The following PACRG variants were observed in gnomAD, a reference collection of about 807,000 sequenced individuals.
PACRG encodes parkin coregulated gene protein.
In PACRG, 29 loss-of-function variants were observed where a neutral mutation model predicts 29.7. The observed-to-expected ratio is 0.98, with a 90% confidence interval of 0.73 to 1.33. PACRG has a LOEUF of 1.33. Ranked by LOEUF, PACRG falls within the 40% of genes most tolerant of loss-of-function variation. The pLI, the probability that PACRG is intolerant of heterozygous loss-of-function variation, is 0.00. For missense variants in PACRG, 279 were observed against 316.2 expected (o/e 0.88, Z 0.89); for synonymous variants, 116 against 118.7 (o/e 0.98, Z 0.15).
intron 2 of PACRG, among the ~76,000 whole-genome samples, chr6:162,842,049 G>C (rs1283154387): frequency 6.7e-6 from 1 of 150,294 alleles, no homozygotes; most frequent in East Asian, 2.0e-4. Context: ...GTGTGGTGTG[G>C]TGCTGAAAAA....
chr6:162,990,190 A>G (rs898978648), intron 2 of PACRG, among the ~76,000 whole-genome samples: 3 of 151,526 alleles, frequency 2.0e-5, no homozygotes, highest in African/African-American at 7.3e-5. Flanking sequence ...ATAATGCTGC[A>G]ATAAACATAC....
At chr6:163,102,301 CAG>C (rs1562916731) in intron 4 of PACRG, among the ~76,000 whole-genome samples, 1 of 152,236 alleles carries the variant, frequency 6.6e-6, no homozygotes, top group Non-Finnish European at 1.5e-5. Context: ...GCACTGATGG[CAG>C]ACTTATTGAG....
At chr6:163,074,164 G>C (rs1224241606) in intron 3 of PACRG, among the ~76,000 whole-genome samples, 1 of 152,144 alleles carries the variant, frequency 6.6e-6, no homozygotes, top group African/African-American at 2.4e-5. Flanking sequence ...AGATTTGGAA[G>C]CAACCTAAGT....
At chr6:162,814,384 C>A in intron 2 of PACRG, 103 bp downstream of exon 2, 1 of 1,433,550 alleles carries the variant, frequency 7.0e-7, no homozygotes, top group South Asian at 1.4e-5. Flanking sequence ...GGAGTCATTT[C>A]TCAGCACATG....
At chr6:163,175,636 C>T (rs1304279903) in intron 4 of PACRG, among the ~76,000 whole-genome samples, 5 of 151,982 alleles carry the variant, frequency 3.3e-5, no homozygotes, top group South Asian at 2.1e-4. Flanking sequence ...GACGGAATGT[C>T]GGGAGCAGGT....
intron 2 of PACRG, among the ~76,000 whole-genome samples, chr6:163,022,358 C>T (rs1806714539): frequency 6.6e-6 from 1 of 152,216 alleles, no homozygotes; most frequent in African/African-American, 2.4e-5. Context: ...TGGCTGAGCT[C>T]TTTGCTACCT....
At chr6:163,157,920 T>C (rs1015751325) in intron 4 of PACRG, among the ~76,000 whole-genome samples, 2 of 152,350 alleles carry the variant, frequency 1.3e-5, no homozygotes, top group East Asian at 1.9e-4. Flanking sequence ...TAATGAACAT[T>C]ACCAAGCTGA....
chr6:162,996,130 G>T (rs76408816), intron 2 of PACRG, among the ~76,000 whole-genome samples: 4 of 151,900 alleles, frequency 2.6e-5, no homozygotes, highest in African/African-American at 7.3e-5. Context: ...CTCACCACTC[G>T]TGTGTGTGCA....
intron 2 of PACRG, among the ~76,000 whole-genome samples, chr6:163,050,984 C>T (rs1809946536): frequency 6.6e-6 from 1 of 152,132 alleles, no homozygotes; most frequent in South Asian, 2.1e-4. Flanking sequence ...GTGAGTGACT[C>T]GAGGGAGCAT....
chr6:163,180,416 C>G (rs1301069643), intron 4 of PACRG, among the ~76,000 whole-genome samples: 1 of 152,110 alleles, frequency 6.6e-6, no homozygotes, highest in Admixed American at 6.5e-5. Flanking sequence ...TAGGTTGTTA[C>G]ATAGATTATC....
chr6:162,866,842 T>C (rs1792340758), intron 2 of PACRG, among the ~76,000 whole-genome samples: 1 of 152,182 alleles, frequency 6.6e-6, no homozygotes. Context: ...GAGATACTCA[T>C]GACAGGAAAC....
At position 162,773,563 on chromosome 6, in the gene PACRG, G is replaced by A. The variant is rs796459643; in HGVS notation, c.157-40584G>A. ...CGCTCTGTCGCCCAGGCCGGACTGCGGACTGCAGTGGCGCAATCTCGGCTC... is the reference window on the plus strand; with the variant it reads ...CGCTCTGTCGCCCAGGCCGGACTGCAGACTGCAGTGGCGCAATCTCGGCTC... On this transcript the variant is annotated intron_variant, in intron 1 of 4. Coordinates refer to ENST00000366888, the MANE Select transcript of PACRG (RefSeq NM_001080379.2). Among the ~76,000 whole-genome samples, 14 of 132,152 alleles carry A rather than the reference G, an allele frequency of 1.1e-4. No individual in the cohort carries two copies. The South Asian group carries it at 1.4e-3, about 13-fold the overall frequency. 86.7% of individuals were successfully genotyped at this position (132,152 alleles called of 152,430 possible). A position where few individuals can be genotyped will look rare whatever the true frequency, so the allele number is the denominator to read the frequency against.
chr6:163,056,441 C>T (rs1168318528), intron 2 of PACRG, among the ~76,000 whole-genome samples: 2 of 152,126 alleles, frequency 1.3e-5, no homozygotes, highest in Non-Finnish European at 2.9e-5. Context: ...TGTCAACCTA[C>T]CCCTAAGTTG....
At chr6:162,950,052 T>A (rs999727004) in intron 2 of PACRG, among the ~76,000 whole-genome samples, 1 of 152,216 alleles carries the variant, frequency 6.6e-6, no homozygotes, top group Non-Finnish European at 1.5e-5. Flanking sequence ...TGTTTTTAAA[T>A]AATTTTTAGT....
chr6:163,297,711 C>G (rs537610161), intron 4 of PACRG, among the ~76,000 whole-genome samples: 2 of 152,112 alleles, frequency 1.3e-5, no homozygotes, highest in African/African-American at 4.8e-5. Context: ...TTATGTGTAG[C>G]CTCATTGAGA....
At chr6:162,860,481 T>C (rs1255458392) in intron 2 of PACRG, among the ~76,000 whole-genome samples, 1 of 152,224 alleles carries the variant, frequency 6.6e-6, no homozygotes, top group Non-Finnish European at 1.5e-5. Context: ...TGAGTCCCAC[T>C]CGCCATGTTG....
chr6:163,089,752 C>T (rs1813923974), intron 4 of PACRG, among the ~76,000 whole-genome samples: 1 of 152,008 alleles, frequency 6.6e-6, no homozygotes, highest in African/African-American at 2.4e-5. Flanking sequence ...GTGATTCTAC[C>T]TTTAGATACT....
intron 2 of PACRG, among the ~76,000 whole-genome samples, chr6:163,013,348 G>A (rs1805792519): frequency 6.6e-6 from 1 of 151,924 alleles, no homozygotes; most frequent in Non-Finnish European, 1.5e-5. Context: ...AAGTTTTGCT[G>A]CCATTAGAAC....
intron 4 of PACRG, among the ~76,000 whole-genome samples, chr6:163,223,316 C>T (rs574575558): frequency 2.6e-5 from 4 of 152,232 alleles, no homozygotes; most frequent in Non-Finnish European, 4.4e-5. Flanking sequence ...ATCCCTTGAA[C>T]GTGGGAGGCA....
Sources: gnomAD v4.1 joint callset for allele counts (sites outside exome capture counted in the v4.1 genomes callset) on GRCh38, gnomAD v4.1.1 for gene constraint, MANE v1.5 for transcripts, NCBI Gene and HGNC (gene_info 2026-07-23, HGNC 2026-07-21) for gene names.